THSD1: variants seen among roughly 807,000 people sequenced by gnomAD.
THSD1 encodes the protein thrombospondin type-1 domain-containing protein 1.
Under a neutral mutation model 46.3 loss-of-function variants are expected in THSD1, and 34 were observed. The ratio of observed to expected loss-of-function variants is 0.74; its 90% CI spans 0.56 to 0.98. The LOEUF (loss-of-function observed/expected upper bound fraction) is 0.98. Ranked by LOEUF, THSD1 falls within the 50% of genes least tolerant of loss-of-function variation. The pLI is 0.00. For synonymous variants in THSD1, 407 were observed against 416.5 expected, an observed-to-expected ratio of 0.98 and a Z score of 0.28; for missense variants, 1,023 against 1,058.3, an observed-to-expected ratio of 0.97 and a Z score of 0.46.
At position 52,377,391 on chromosome 13, in the gene THSD1, A is replaced by G; in HGVS notation, c.*20T>C. The G allele has an allele frequency of 6.5e-7, 1 of 1,538,616 alleles. No homozygotes were observed. Among genetic ancestry groups the G allele is most frequent in the Non-Finnish European group, 8.8e-7 (1 of 1,138,082 alleles). ...CGAGTAGCAGACCCCAGCTGTGTAA[A>G]GCTCAGGCTGATTCTCAGTCTAGAT... On this transcript the variant is annotated 3_prime_UTR_variant, in exon 5 of 5. Transcript: ENST00000258613.
chr13:52,391,687 G>A (rs2137737070), intron 3 of THSD1, among the ~76,000 whole-genome samples: 1 of 151,956 alleles, frequency 6.6e-6, no homozygotes, highest in South Asian at 2.1e-4. Context: ...GGGACTACAG[G>A]CACGTGCCAC....
At chr13:52,405,289 T>C (rs936041804) in intron 1 of THSD1, among the ~76,000 whole-genome samples, 3 of 152,132 alleles carry the variant, frequency 2.0e-5, no homozygotes, top group African/African-American at 7.2e-5. Context: ...CGCTTCTAAA[T>C]CTCCCTTCAT....
intron 3 of THSD1, among the ~76,000 whole-genome samples, chr13:52,388,966 C>CTT (rs551290422): frequency 0.022 from 3,234 of 144,450 alleles, 98 homozygotes; most frequent in African/African-American, 0.071. Context: ...CTAAATAACA[C>CTT]TTTTTTTTTT....
chr13:52,402,830 G>A (rs548442637), intron 1 of THSD1, 149 bp from the exon 2 acceptor site: 49 of 1,354,334 alleles, frequency 3.6e-5, no homozygotes, highest in South Asian at 1.4e-4. Context: ...CTGGGGCAAT[G>A]ACTTATAATT....
rs756139851 is a variant in THSD1, at chr13:52,378,452, G to A, written c.1518C>T (p.Pro506=). Residue 506 remains proline, a synonymous_variant, in exon 5 of 5, where the codon CCC becomes CCT. Coordinates refer to ENST00000258613, the MANE Select transcript of THSD1 (RefSeq NM_018676.4). ...TCTCGCTGCCAGAGGCATCATCCTC[G>A]GGAGGTACCGGCCCGCTCCGCCTGT... ...LTYRRSGPVP[P]EDDASGSESF... is the part of the protein sequence containing the mutation. 6.2e-7 allele frequency: 1 copy of A among 1,614,160 alleles called. No homozygotes were observed. The highest frequency in any genetic ancestry group is 1.7e-5 in the Admixed American group (1 of 60,012).
intron 4 of THSD1, among the ~76,000 whole-genome samples, chr13:52,380,495 C>T (rs1033151553): frequency 2.0e-5 from 3 of 151,720 alleles, no homozygotes; most frequent in Non-Finnish European, 2.9e-5. Flanking sequence ...GAAGCTGTCA[C>T]ACATAGTTTC....
chr13:52,396,225 G>T (rs1362306437), intron 3 of THSD1, among the ~76,000 whole-genome samples: 1 of 152,042 alleles, frequency 6.6e-6, no homozygotes, highest in Non-Finnish European at 1.5e-5. Context: ...GCTTACCAGG[G>T]ATAAAGATAA....
Position 52,378,744 on chromosome 13 carries a change from A to G in THSD1, c.1226T>C (p.Val409Ala), listed in dbSNP as rs1279517856. The part of the protein sequence containing the change: ...SPSPLQPQGP[V>A]KSNNIVTVTG... ...GACAGTCACGATGTTGTTGGACTTCACTGGACCCTGGGGCTGAAGAGGAGA... is the reference window on the plus strand; with the variant it reads ...GACAGTCACGATGTTGTTGGACTTCGCTGGACCCTGGGGCTGAAGAGGAGA... Residue 409 changes from valine to alanine, a missense_variant, in exon 5 of 5, where the codon GTG becomes GCG. Physicochemically the swap from Val to Ala is moderately conservative, Grantham distance 64 (BLOSUM62 0). Around this residue, in one of 3 missense-constraint regions of THSD1, gnomAD observed 429 missense variants for 518.3 expected, o/e 0.83. Coordinates refer to ENST00000258613, the MANE Select transcript of THSD1 (RefSeq NM_018676.4). 2 of 1,612,506 alleles carry G rather than the reference A, an allele frequency of 1.2e-6. No homozygotes were observed. The highest frequency in any genetic ancestry group is 8.5e-7 in the Non-Finnish European group (1 of 1,179,914).
At chr13:52,383,374 T>C (rs1007208164) in intron 4 of THSD1, among the ~76,000 whole-genome samples, 1 of 152,250 alleles carries the variant, frequency 6.6e-6, no homozygotes, top group Non-Finnish European at 1.5e-5. Context: ...ATAGACCATA[T>C]AATGTAGAAC....
chr13:52,403,422 G>A (rs1248486038), intron 1 of THSD1, among the ~76,000 whole-genome samples: 1 of 152,118 alleles, frequency 6.6e-6, no homozygotes, highest in East Asian at 1.9e-4. Flanking sequence ...CTACCTAAGA[G>A]GGCAGGGAAG....
Position 52,378,695 on chromosome 13 carries a change from G to T in THSD1, c.1275C>A (p.Phe425Leu). Residue 425 changes from phenylalanine to leucine, a missense_variant, in exon 5 of 5, where the codon TTC (phenylalanine) becomes TTA (leucine). By Grantham distance (22) the Phe-to-Leu change is conservative. Transcript: ENST00000258613. ...TGATGAGCACAGTGGCAATGATGAT[G>T]AACAAGCACAAGGATATACCAGTGA... ...VTVTGISLCL[F>L]IIIATVLITL... 1 of 1,614,008 alleles carries T rather than the reference G, an allele frequency of 6.2e-7. No homozygotes were observed.
chr13:52,393,926 A>G (rs1430676342), intron 3 of THSD1, among the ~76,000 whole-genome samples: 1 of 152,170 alleles, frequency 6.6e-6, no homozygotes, highest in African/African-American at 2.4e-5. Context: ...AGAGTCAGAG[A>G]TGGTCTGCCA....
rs761480878 is a variant in THSD1, at chr13:52,397,611, A to G, written c.642T>C (p.Tyr214=). 9.9e-6 allele frequency: 16 copies of G among 1,614,204 alleles called. No individual in the cohort carries two copies. The highest frequency in any genetic ancestry group is 1.4e-5 in the Non-Finnish European group (16 of 1,180,030). The change falls in exon 3 of 5, where the codon TAT becomes TAC. Residue 214 remains tyrosine (Y), a synonymous_variant. Coordinates refer to ENST00000258613, the MANE Select transcript of THSD1 (RefSeq NM_018676.4). ...CAAGCAGCTTCAGCACCACGGTGACATAGGCTTCTGGCCCCAAGGGTGCAC... is the reference window on the plus strand; with the variant it reads ...CAAGCAGCTTCAGCACCACGGTGACGTAGGCTTCTGGCCCCAAGGGTGCAC... ...FGCAPLGPEA[Y]VTVVLKLLGR...
intron 4 of THSD1, among the ~76,000 whole-genome samples, chr13:52,385,235 T>C (rs780603815): frequency 2.6e-5 from 4 of 152,122 alleles, no homozygotes; most frequent in Non-Finnish European, 5.9e-5. Flanking sequence ...AGGACTTTTA[T>C]CTAAGAGTCA....
At chr13:52,396,410 T>C (rs891038549) in intron 3 of THSD1, among the ~76,000 whole-genome samples, 1 of 151,946 alleles carries the variant, frequency 6.6e-6, no homozygotes, top group African/African-American at 2.4e-5. Flanking sequence ...TAGTCCCAGC[T>C]ACTCAGAAGG....
chr13:52,390,156 A>G (rs76500079), intron 3 of THSD1, among the ~76,000 whole-genome samples: 2 of 147,746 alleles, frequency 1.4e-5, no homozygotes, highest in African/African-American at 4.9e-5. Context: ...AAAAAAAAAG[A>G]ATTATTTTAA....
chr13:52,378,284 A>C lies in THSD1; in HGVS notation c.1686T>G (p.Thr562=), dbSNP rs1332502587. 1 of 1,614,196 alleles carries C rather than the reference A, an allele frequency of 6.2e-7. No homozygotes were observed. ...YHVSQSPLTD[T]AIDAAPSAPL... is the part of the protein sequence containing the mutation. ...GAGCGCTGGGGGCCGCATCAATGGC[A>C]GTGTCTGTCAGGGGACTCTGAGACA... Residue 562 remains threonine (T), a synonymous_variant, in exon 5 of 5, where the codon ACT becomes ACG. Transcript: ENST00000258613.
Position 52,386,064 on chromosome 13 carries a change from A to G in THSD1, c.1144T>C (p.Leu382=), listed in dbSNP as rs781473398. Residue 382 remains leucine (L), a synonymous_variant, in exon 4 of 5, where the codon TTG becomes CTG. Transcript: ENST00000258613. ...PSSPVCPGMS[L]EASLCSLEEC... ...TCCAGGGAACACAGGGAGGCCTCCA[A>G]GGACATTCCAGGGCAGACAGGACTG... 3 of 1,614,146 alleles carry G rather than the reference A, an allele frequency of 1.9e-6. No individual in the cohort carries two copies.
At chr13:52,395,154 G>A (rs1224695660) in intron 3 of THSD1, among the ~76,000 whole-genome samples, 1 of 152,194 alleles carries the variant, frequency 6.6e-6, no homozygotes, top group Non-Finnish European at 1.5e-5. Context: ...TTAAGAAGGA[G>A]AATAGCCTCA....
Sources: allele counts gnomAD v4.1 joint callset (sites outside exome capture counted in the v4.1 genomes callset), GRCh38; gene constraint gnomAD v4.1.1; regional missense constraint gnomAD v4.1.1; transcripts MANE v1.5; gene names NCBI Gene and HGNC (gene_info 2026-07-23, HGNC 2026-07-21).